Variants in NLGN1 observed in about 807,000 individuals in gnomAD.
The protein encoded by NLGN1 is neuroligin 1.
Under a neutral mutation model 65.5 loss-of-function variants are expected in NLGN1, and 12 were observed. The observed-to-expected ratio is 0.18, with a 90% CI of 0.12 to 0.30. The LOEUF is 0.30. Ranked by LOEUF, NLGN1 falls within the 10% of genes least tolerant of loss-of-function variation. The pLI is 1.00. For synonymous variants in NLGN1, 350 were observed against 359.5 expected (o/e 0.97, Z 0.30); for missense variants, 750 against 1,007.1 (o/e 0.74, Z 3.46).
At chr3:173,551,657 T>A (rs1483486087) in intron 2 of NLGN1, among the ~76,000 whole-genome samples, 2 of 152,186 alleles carry the variant, frequency 1.3e-5, no homozygotes, top group African/African-American at 4.8e-5. Context: ...GAAAACTTTT[T>A]ATGGAGTAAT....
intron 4 of NLGN1, among the ~76,000 whole-genome samples, chr3:174,116,500 G>A (rs981537303): frequency 4.6e-5 from 7 of 151,818 alleles, no homozygotes; most frequent in Non-Finnish European, 8.8e-5. Flanking sequence ...ACCATGCCTG[G>A]CTAATATTTA....
intron 4 of NLGN1, among the ~76,000 whole-genome samples, chr3:173,849,640 T>C (rs1726506229): frequency 6.6e-6 from 1 of 152,212 alleles, no homozygotes; most frequent in South Asian, 2.1e-4. Context: ...TTGTCCCTGG[T>C]CAAGGACTAT....
chr3:174,116,393 A>G (rs1399945333), intron 4 of NLGN1, among the ~76,000 whole-genome samples: 2 of 126,844 alleles, frequency 1.6e-5, no homozygotes, highest in East Asian at 4.5e-4. Context: ...GCTGTAATGC[A>G]CTGGCATGAT....
intron 2 of NLGN1, among the ~76,000 whole-genome samples, chr3:173,457,232 T>G (rs530621751): frequency 6.6e-6 from 1 of 152,186 alleles, no homozygotes; most frequent in East Asian, 1.9e-4. Flanking sequence ...CATTATTAAA[T>G]GACATTTGAG....
At chr3:174,098,517 A>C (rs1179053066) in intron 4 of NLGN1, among the ~76,000 whole-genome samples, 1 of 152,188 alleles carries the variant, frequency 6.6e-6, no homozygotes, top group African/African-American at 2.4e-5. Context: ...CCAGTGTAGT[A>C]GATGCTAAGA....
intron 4 of NLGN1, among the ~76,000 whole-genome samples, chr3:174,119,415 C>T (rs987479995): frequency 7.4e-6 from 1 of 135,954 alleles, no homozygotes. Flanking sequence ...CAAAGTATCT[C>T]ATAGCTTGGA....
intron 4 of NLGN1, among the ~76,000 whole-genome samples, chr3:174,213,227 G>A (rs948518817): frequency 6.6e-6 from 1 of 152,044 alleles, no homozygotes. Flanking sequence ...TGGAGCATAC[G>A]GTACCATTTG....
rs150404199 is a variant in NLGN1 at position 174,267,092 on chromosome 3, G to GACTA, written c.647-8217_647-8214dup. Among the ~76,000 whole-genome samples, 908 of 152,226 alleles carry GACTA rather than the reference G, an allele frequency of 6.0e-3. 22 individuals are homozygous for GACTA. Among genetic ancestry groups the GACTA allele is most frequent in the East Asian group, 0.03 (153 of 5,176 alleles). ...CTATTAGGAAACCAAAACTCAGAGGGACTAACTAATTGACACAGTAATTTG... is the reference window on the plus strand; with the variant it reads ...CTATTAGGAAACCAAAACTCAGAGGGACTAACTAACTAATTGACACAGTAATTTG... On this transcript the variant is annotated intron_variant, in intron 4 of 6. Coordinates refer to ENST00000457714, the Ensembl canonical transcript of NLGN1.
chr3:174,146,942 G>A (rs537009384), intron 4 of NLGN1, among the ~76,000 whole-genome samples: 10 of 152,116 alleles, frequency 6.6e-5, no homozygotes, highest in African/African-American at 2.4e-4. Context: ...TCTTAGTAGT[G>A]TTTACATAAA....
chr3:174,171,092 CCTT>C (rs1310251906), intron 4 of NLGN1, among the ~76,000 whole-genome samples: 4 of 152,100 alleles, frequency 2.6e-5, no homozygotes, highest in Non-Finnish European at 2.9e-5. Context: ...AATTAATAGA[CCTT>C]TAAGTTCACT....
At chr3:173,581,210 A>C (rs893690442) in intron 2 of NLGN1, among the ~76,000 whole-genome samples, 2 of 152,000 alleles carry the variant, frequency 1.3e-5, no homozygotes, top group African/African-American at 4.8e-5. Context: ...TAACTGCTCA[A>C]TTGAGTTATA....
intron 4 of NLGN1, among the ~76,000 whole-genome samples, chr3:174,012,844 C>T (rs1164549794): frequency 6.6e-6 from 1 of 152,100 alleles, no homozygotes; most frequent in Non-Finnish European, 1.5e-5. Flanking sequence ...ATATAGTAGA[C>T]ATGTTAGATT....
At chr3:173,753,049 G>A (rs1488554) in intron 3 of NLGN1, among the ~76,000 whole-genome samples, 1 of 151,944 alleles carries the variant, frequency 6.6e-6, no homozygotes, top group African/African-American at 2.4e-5. Flanking sequence ...CTACCCACCC[G>A]TCTTTTCAGT....
chr3:173,587,578 C>T (rs1213386411), intron 2 of NLGN1, among the ~76,000 whole-genome samples: 2 of 152,066 alleles, frequency 1.3e-5, no homozygotes, highest in Non-Finnish European at 2.9e-5. Flanking sequence ...TCCATCTTAC[C>T]CAATACATGT....
At chr3:174,004,786 T>C (rs968109253) in intron 4 of NLGN1, among the ~76,000 whole-genome samples, 12 of 152,126 alleles carry the variant, frequency 7.9e-5, no homozygotes, top group African/African-American at 2.4e-4. Context: ...TAAAATGTTA[T>C]ATAGAGAGAG....
intron 2 of NLGN1, among the ~76,000 whole-genome samples, chr3:173,523,500 G>A (rs1453311718): frequency 6.6e-6 from 1 of 151,570 alleles, no homozygotes; most frequent in Non-Finnish European, 1.5e-5. Context: ...ATCACCATTT[G>A]TTGAATAAGA....
At chr3:174,153,266 T>C (rs1724744257) in intron 4 of NLGN1, among the ~76,000 whole-genome samples, 1 of 152,146 alleles carries the variant, frequency 6.6e-6, no homozygotes, top group South Asian at 2.1e-4. Context: ...GTTGCATTCA[T>C]TGGACAATGC....
chr3:174,057,130 G>GAA (rs11370171), intron 4 of NLGN1, among the ~76,000 whole-genome samples: 3 of 150,160 alleles, frequency 2.0e-5, no homozygotes, highest in Admixed American at 1.3e-4. Context: ...AGACTGAGGG[G>GAA]AAAAAAAAAG....
intron 2 of NLGN1, among the ~76,000 whole-genome samples, chr3:173,444,584 TATTTA>T (rs1719826662): frequency 6.6e-6 from 1 of 152,208 alleles, no homozygotes; most frequent in Non-Finnish European, 1.5e-5. Flanking sequence ...TATTTTACTT[TATTTA>T]ATTTGGTTCC....
Sources: allele counts gnomAD v4.1 joint callset (sites outside exome capture counted in the v4.1 genomes callset), GRCh38; gene constraint gnomAD v4.1.1; transcripts MANE v1.5; gene names NCBI Gene and HGNC (gene_info 2026-07-23, HGNC 2026-07-21).